Variants in KHDRBS2 observed in about 807,000 individuals in gnomAD.
The protein encoded by KHDRBS2 is KH domain-containing, RNA-binding, signal transduction-associated protein 2.
KHDRBS2 carries 26 observed loss-of-function variants against 44.3 expected under a neutral mutation model. That is an observed-to-expected ratio of 0.59 (90% CI 0.43 to 0.81). The LOEUF is 0.81. Ranked by LOEUF, KHDRBS2 falls within the 40% of genes least tolerant of loss-of-function variation. KHDRBS2 has a pLI of 0.00. For missense variants in KHDRBS2, 476 were observed against 433.1 expected (o/e 1.10, Z -0.88); for synonymous variants, 194 against 151.1 (o/e 1.28, Z -2.08).
chr6:61,619,052 T>A, the KHDRBS2 span, among the ~76,000 whole-genome samples: 1 of 152,198 alleles, frequency 6.6e-6, no homozygotes, highest in Non-Finnish European at 1.5e-5. Flanking sequence ...TAGGCCATTT[T>A]AAAAAATAAT....
chr6:61,671,020 C>T, the KHDRBS2 span, among the ~76,000 whole-genome samples: 2 of 151,554 alleles, frequency 1.3e-5, no homozygotes, highest in Non-Finnish European at 3.0e-5. Flanking sequence ...TGACACAAGA[C>T]ACTGAGAAGA....
intron 1 of KHDRBS2, 121 bp downstream of exon 1, chr6:62,285,737 C>T: frequency 1.5e-6 from 1 of 659,888 alleles, no homozygotes; most frequent in Non-Finnish European, 2.6e-6. Flanking sequence ...CGAGCATCTT[C>T]AGGGGGACAG....
At chr6:62,064,314 C>G (rs986400328) in intron 2 of KHDRBS2, among the ~76,000 whole-genome samples, 1 of 149,976 alleles carries the variant, frequency 6.7e-6, no homozygotes, top group African/African-American at 2.5e-5. Context: ...AAAGAGCCCA[C>G]ATCGCCAAGT....
At chr6:62,262,344 C>T (rs1451938731) in intron 1 of KHDRBS2, among the ~76,000 whole-genome samples, 9 of 151,626 alleles carry the variant, frequency 5.9e-5, no homozygotes, top group Admixed American at 4.6e-4. Context: ...TTGACCTCAC[C>T]GATTGCTTTA....
intron 1 of KHDRBS2, among the ~76,000 whole-genome samples, chr6:62,206,478 T>C (rs752900794): frequency 1.3e-5 from 2 of 152,142 alleles, no homozygotes; most frequent in Non-Finnish European, 2.9e-5. Flanking sequence ...ACTAATATTA[T>C]GTTGAGTTCT....
intron 7 of KHDRBS2, among the ~76,000 whole-genome samples, chr6:61,714,239 A>G (rs1771012111): frequency 6.6e-6 from 1 of 151,896 alleles, no homozygotes; most frequent in African/African-American, 2.4e-5. Context: ...ATTAAAAAGT[A>G]AGCAAACACA....
At chr6:61,554,966 G>T in the KHDRBS2 span, among the ~76,000 whole-genome samples, 36 of 152,214 alleles carry the variant, frequency 2.4e-4, no homozygotes, top group African/African-American at 8.7e-4. Context: ...TCACCTTGGA[G>T]AATCTGATGA....
chr6:61,767,083 G>A (rs1425388126), intron 6 of KHDRBS2, among the ~76,000 whole-genome samples: 1 of 151,946 alleles, frequency 6.6e-6, no homozygotes, highest in Non-Finnish European at 1.5e-5. Flanking sequence ...TTGTTTTGGA[G>A]TCTATCACTC....
intron 7 of KHDRBS2, among the ~76,000 whole-genome samples, chr6:61,728,746 T>C (rs1455567304): frequency 1.3e-5 from 2 of 152,184 alleles, no homozygotes; most frequent in Non-Finnish European, 2.9e-5. Flanking sequence ...GATAAAAAGA[T>C]GATACATTGA....
At chr6:61,561,065 G>A in the KHDRBS2 span, among the ~76,000 whole-genome samples, 2 of 152,110 alleles carry the variant, frequency 1.3e-5, no homozygotes, top group Non-Finnish European at 2.9e-5. Flanking sequence ...GTACCGACGT[G>A]TCTCTTGCAG....
intron 2 of KHDRBS2, among the ~76,000 whole-genome samples, chr6:62,083,936 T>A (rs1169318781): frequency 6.6e-6 from 1 of 152,192 alleles, no homozygotes; most frequent in South Asian, 2.1e-4. Context: ...ATGGATACCA[T>A]CAAGAAGGAT....
At chr6:62,218,268 A>G (rs1475011265) in intron 1 of KHDRBS2, among the ~76,000 whole-genome samples, 1 of 151,966 alleles carries the variant, frequency 6.6e-6, no homozygotes, top group Non-Finnish European at 1.5e-5. Flanking sequence ...ACACGATTAA[A>G]GTGATTTTTA....
At chr6:61,721,614 T>G (rs1227495787) in intron 7 of KHDRBS2, among the ~76,000 whole-genome samples, 6 of 129,210 alleles carry the variant, frequency 4.6e-5, no homozygotes, top group Non-Finnish European at 1.1e-4. Flanking sequence ...GCTTGTGATT[T>G]TTATACATTG....
intron 2 of KHDRBS2, among the ~76,000 whole-genome samples, chr6:62,121,233 C>A (rs549680235): frequency 6.6e-6 from 1 of 152,212 alleles, no homozygotes; most frequent in South Asian, 2.1e-4. Context: ...TGGGAAAGGC[C>A]AAATGGAAGC....
At chr6:61,641,639 A>G in the KHDRBS2 span, among the ~76,000 whole-genome samples, 1 of 152,160 alleles carries the variant, frequency 6.6e-6, no homozygotes, top group Admixed American at 6.6e-5. Context: ...CTGGTATTAT[A>G]ACATGCTATG....
intron 4 of KHDRBS2, among the ~76,000 whole-genome samples, chr6:61,950,436 T>A (rs1207333206): frequency 2.6e-5 from 4 of 152,044 alleles, no homozygotes; most frequent in Admixed American, 6.6e-5. Flanking sequence ...GTTCCAAGAC[T>A]TTTAATTCCA....
At chr6:62,182,038 G>GA (rs1161156244) in intron 1 of KHDRBS2, among the ~76,000 whole-genome samples, 4 of 151,874 alleles carry the variant, frequency 2.6e-5, no homozygotes, top group South Asian at 4.1e-4. Context: ...GAAGACACAA[G>GA]AAAAAAGCAT....
chr6:61,949,697 G>T (rs958574132), intron 4 of KHDRBS2, among the ~76,000 whole-genome samples: 1 of 151,730 alleles, frequency 6.6e-6, no homozygotes, highest in Admixed American at 6.6e-5. Flanking sequence ...TATGTTTATA[G>T]ATAGTATTGT....
the KHDRBS2 span, among the ~76,000 whole-genome samples, chr6:61,595,780 T>C: frequency 1.3e-5 from 2 of 151,932 alleles, no homozygotes; most frequent in East Asian, 3.9e-4. Flanking sequence ...TGTCAAAGTA[T>C]ATAAACAAAC....
Sources: allele counts gnomAD v4.1 joint callset (sites outside exome capture counted in the v4.1 genomes callset), GRCh38; gene constraint gnomAD v4.1.1; transcripts MANE v1.5; gene names NCBI Gene and HGNC (gene_info 2026-07-23, HGNC 2026-07-21).